TPM1: variants seen among roughly 807,000 people sequenced by gnomAD.
TPM1 encodes tropomyosin alpha-1 chain.
A neutral mutation model predicts 42.9 loss-of-function variants in TPM1; 24 were observed. That is an observed-to-expected ratio of 0.56 (90% confidence interval 0.41 to 0.79). The LOEUF is 0.79. Among genes scored for constraint, TPM1 ranks in the 30% least tolerant of loss-of-function variants. The pLI, the probability that TPM1 is intolerant of heterozygous loss-of-function variation, is 0.00. For synonymous variants in TPM1, 136 were observed against 130.1 expected (o/e 1.05, Z -0.31); for missense variants, 158 against 351.8 (o/e 0.45, Z 4.41).
intron 2 of TPM1, chr15:63,048,808 C>G: frequency 6.8e-7 from 1 of 1,463,636 alleles, no homozygotes; most frequent in Non-Finnish European, 9.2e-7. Context: ...CCCGGTCCCT[C>G]GTCCCCACGC....
intron 3 of TPM1, among the ~76,000 whole-genome samples, chr15:63,057,857 A>G (rs2035040116): frequency 6.6e-6 from 1 of 152,216 alleles, no homozygotes; most frequent in Non-Finnish European, 1.5e-5. Context: ...AAGTACTTCA[A>G]GAGAGACTCC....
intron 2 of TPM1, chr15:63,048,391 T>G: frequency 7.4e-7 from 1 of 1,354,568 alleles, no homozygotes; most frequent in South Asian, 1.7e-5. Context: ...GCGGTTTGTC[T>G]GCGCAGCCCT....
At position 63,066,046 on chromosome 15, in the gene TPM1, T is replaced by A; in HGVS notation, c.*147T>A. The A allele has an allele frequency of 6.5e-7, 1 of 1,544,794 alleles. No individual in the cohort carries two copies. The highest frequency in any genetic ancestry group is 1.2e-5 in the South Asian group (1 of 83,790). On this transcript the variant is annotated 3_prime_UTR_variant, in exon 10 of 10. Transcript: ENST00000403994. ...GCCAGGCACACACTGTGCTTTCTAT[T>A]GTACAGAAGCTCTTCGTTTCAGTGT...
intron 2 of TPM1, among the ~76,000 whole-genome samples, chr15:63,050,517 C>T (rs2033641518): frequency 6.6e-6 from 1 of 152,222 alleles, no homozygotes; most frequent in South Asian, 2.1e-4. Flanking sequence ...TACTTTTATT[C>T]TTACCTTCTC....
intron 2 of TPM1, 100 bp from the exon 3 acceptor site, chr15:63,056,885 G>A: frequency 6.5e-7 from 1 of 1,540,322 alleles, no homozygotes; most frequent in Admixed American, 1.7e-5. Flanking sequence ...CCACAAGACA[G>A]TCTTCCTATC....
intron 9 of TPM1, chr15:63,064,595 T>C (rs1298337378): frequency 9.7e-7 from 1 of 1,035,330 alleles, no homozygotes; most frequent in Non-Finnish European, 1.2e-6. Context: ...ATTGAGAATC[T>C]GAGGATAAGG....
intron 5 of TPM1, chr15:63,061,377 A>G (rs1276197229): frequency 2.0e-6 from 2 of 1,018,600 alleles, no homozygotes; most frequent in Non-Finnish European, 3.1e-6. Flanking sequence ...CCTTCACTTC[A>G]CCCTCTGCTA....
intron 8 of TPM1, chr15:63,063,008 T>C: frequency 7.4e-7 from 1 of 1,350,634 alleles, no homozygotes; most frequent in Non-Finnish European, 9.4e-7. Flanking sequence ...GATGTGGTGA[T>C]TGTGGTCTTG....
At chr15:63,068,924 G>A (rs533916094), downstream of TPM1, among the ~76,000 whole-genome samples, 56 of 152,122 alleles carry the variant, frequency 3.7e-4, no homozygotes, top group African/African-American at 1.3e-3. Flanking sequence ...TGAGGCGGGC[G>A]GATCATGAGG....
chr15:63,063,914 A>G (rs1390807854), intron 8 of TPM1, 150 bp from the exon 9 acceptor site: 17 of 1,122,078 alleles, frequency 1.5e-5, no homozygotes, highest in African/African-American at 7.8e-5. Context: ...CGCCTCCTGC[A>G]TTGGCCACCT....
At chr15:63,061,365 C>T (rs540384914) in intron 5 of TPM1, 798 of 1,136,404 alleles carry the variant, frequency 7.0e-4, no homozygotes, top group Non-Finnish European at 9.9e-4. Context: ...ATAACGACTG[C>T]ACCTTCACTT....
intron 3 of TPM1, among the ~76,000 whole-genome samples, chr15:63,058,804 C>T (rs2140928294): frequency 6.6e-6 from 1 of 152,288 alleles, no homozygotes; most frequent in African/African-American, 2.4e-5. Context: ...TTCCATATAT[C>T]TGTAAAATAT....
downstream of TPM1, among the ~76,000 whole-genome samples, chr15:63,069,152 C>T (rs1566975600): frequency 1.3e-5 from 2 of 151,770 alleles, no homozygotes; most frequent in African/African-American, 4.8e-5. Flanking sequence ...GACTAAGTCT[C>T]AAAAAACAAA....
intron 1 of TPM1, chr15:63,043,380 G>A (rs2031608101): frequency 1.7e-6 from 1 of 588,490 alleles, no homozygotes; most frequent in Non-Finnish European, 3.2e-6. Flanking sequence ...GAGTCCTGGA[G>A]TTGTTACCTA....
exon 9 of TPM1, chr15:63,071,596 T>C (rs903874592): frequency 4.3e-6 from 1 of 230,328 alleles, no homozygotes; most frequent in African/African-American, 2.3e-5. Flanking sequence ...TAGAACTCTG[T>C]CCAACACTAA....
At chr15:63,069,078 G>A (rs2036449516), downstream of TPM1, among the ~76,000 whole-genome samples, 1 of 152,136 alleles carries the variant, frequency 6.6e-6, no homozygotes, top group African/African-American at 2.4e-5. Context: ...GCATGAACCC[G>A]GGAGGTGGAG....
At chr15:63,054,207 A>G (rs1050714513) in intron 2 of TPM1, among the ~76,000 whole-genome samples, 7 of 152,196 alleles carry the variant, frequency 4.6e-5, no homozygotes, top group African/African-American at 7.2e-5. Context: ...ACTGGTCTCC[A>G]TGCCCAGTCG....
chr15:63,070,306 ATGTGTG>A (rs1555411994), downstream of TPM1: 20 of 674,892 alleles, frequency 3.0e-5, no homozygotes, highest in South Asian at 5.8e-5. Flanking sequence ...ATATATATAT[ATGTGTG>A]TGTGTGTGTG....
chr15:63,068,860 C>T (rs769665194), downstream of TPM1, among the ~76,000 whole-genome samples: 16 of 152,118 alleles, frequency 1.1e-4, no homozygotes, highest in Non-Finnish European at 1.9e-4. Context: ...AAGAAGTAAG[C>T]AGATAGGGCT....
Sources: allele counts gnomAD v4.1 joint callset (sites outside exome capture counted in the v4.1 genomes callset), GRCh38; gene constraint gnomAD v4.1.1; transcripts MANE v1.5; gene names NCBI Gene and HGNC (gene_info 2026-07-23, HGNC 2026-07-21).